The following UNC5D variants were observed in gnomAD, a reference collection of about 807,000 sequenced individuals.
UNC5D encodes unc-5 netrin receptor D, also known as netrin receptor UNC5D.
In UNC5D, 39 loss-of-function variants were observed where a neutral mutation model predicts 105.4. The observed-to-expected ratio is 0.37, with a 90% CI of 0.29 to 0.48. The LOEUF (loss-of-function observed/expected upper bound fraction) is 0.48. Ranked by LOEUF, UNC5D falls within the 20% of genes least tolerant of loss-of-function variation. The pLI is 0.98. For missense variants in UNC5D, 991 were observed against 1,202.4 expected (o/e 0.82, Z 2.60); for synonymous variants, 452 against 450.4 (o/e 1.00, Z -0.04).
chr8:35,713,319 TAG>T (rs1036114877), intron 8 of UNC5D, among the ~76,000 whole-genome samples: 13 of 152,202 alleles, frequency 8.5e-5, no homozygotes, highest in African/African-American at 3.1e-4. Context: ...TAAAAATCTG[TAG>T]AGTTTATATC....
intron 4 of UNC5D, among the ~76,000 whole-genome samples, chr8:35,665,985 A>T (rs376654971): frequency 1.2e-4 from 18 of 149,198 alleles, no homozygotes; most frequent in African/African-American, 4.0e-4. Context: ...AATTTTGATC[A>T]TGGTTTTCCT....
intron 8 of UNC5D, among the ~76,000 whole-genome samples, chr8:35,706,898 A>G (rs963391716): frequency 6.6e-6 from 1 of 152,162 alleles, no homozygotes; most frequent in Non-Finnish European, 1.5e-5. Flanking sequence ...AGTCATTCTC[A>G]TACATCAGAA....
At chr8:35,307,241 C>T (rs1286726637) in intron 1 of UNC5D, among the ~76,000 whole-genome samples, 1 of 152,190 alleles carries the variant, frequency 6.6e-6, no homozygotes, top group Non-Finnish European at 1.5e-5. Flanking sequence ...CCAGCTTGGC[C>T]TATCCCATAA....
intron 1 of UNC5D, among the ~76,000 whole-genome samples, chr8:35,345,298 G>T (rs1025637754): frequency 6.6e-5 from 10 of 151,710 alleles, no homozygotes; most frequent in Admixed American, 2.0e-4. Context: ...CCTTTTGCTT[G>T]CATCGGCAGA....
chr8:35,482,190 C>T (rs1810524885), intron 1 of UNC5D, among the ~76,000 whole-genome samples: 1 of 152,148 alleles, frequency 6.6e-6, no homozygotes. Context: ...ATCATATTTC[C>T]TGTTATTAAT....
chr8:35,275,901 T>A (rs549998491), intron 1 of UNC5D, among the ~76,000 whole-genome samples: 1 of 152,310 alleles, frequency 6.6e-6, no homozygotes. Context: ...GGAAACAAAA[T>A]AGTTTAACAT....
intron 1 of UNC5D, among the ~76,000 whole-genome samples, chr8:35,369,542 C>A (rs1802312094): frequency 6.6e-6 from 1 of 152,170 alleles, no homozygotes. Context: ...GTTTGTGAAT[C>A]TCATGTGCCC....
At chr8:35,365,183 T>C in intron 1 of UNC5D, among the ~76,000 whole-genome samples, 1 of 152,156 alleles carries the variant, frequency 6.6e-6, no homozygotes, top group East Asian at 1.9e-4. Context: ...GATTGCTCAT[T>C]CTTACCATTC....
chr8:35,396,168 C>T (rs926942031), intron 1 of UNC5D, among the ~76,000 whole-genome samples: 3 of 152,158 alleles, frequency 2.0e-5, no homozygotes, highest in South Asian at 2.1e-4. Context: ...CTGAAATCTA[C>T]ATTTAGGAAT....
intron 8 of UNC5D, among the ~76,000 whole-genome samples, chr8:35,711,763 C>T (rs902204814): frequency 3.9e-5 from 6 of 152,144 alleles, no homozygotes; most frequent in Admixed American, 3.3e-4. Flanking sequence ...AAGTTGCCTC[C>T]GTATCAAACT....
At position 35,792,835 on chromosome 8, in the gene UNC5D, G is replaced by T. The variant is rs1458577009; in HGVS notation, c.*2272G>T. On this transcript the variant is annotated 3_prime_UTR_variant, in exon 17 of 17. Transcript: ENST00000404895. ...GAATCTACATAGGTCTTTTTTTTTA[G>T]ATGTTTGATACATTTTAAGTATTTT... The T allele has an allele frequency of 2.1e-5, 7 of 329,086 alleles. No homozygotes were observed. Among genetic ancestry groups the T allele is most frequent in the Non-Finnish European group, 4.1e-5 (7 of 172,086 alleles). The allele number at this position is 329,086 out of a possible 1,614,324, so 20.4% of individuals were successfully genotyped here.
chr8:35,714,418 G>A (rs1215435968), intron 8 of UNC5D, among the ~76,000 whole-genome samples: 1 of 152,222 alleles, frequency 6.6e-6, no homozygotes, highest in Non-Finnish European at 1.5e-5. Context: ...GATGAGGCAG[G>A]AGATGTTAAT....
intron 1 of UNC5D, among the ~76,000 whole-genome samples, chr8:35,282,220 C>G (rs977828167): frequency 6.6e-6 from 1 of 152,184 alleles, no homozygotes; most frequent in Non-Finnish European, 1.5e-5. Flanking sequence ...ACCATAGCAT[C>G]GAAGGAGGAC....
intron 4 of UNC5D, among the ~76,000 whole-genome samples, chr8:35,640,162 C>T (rs767382046): frequency 5.9e-5 from 9 of 151,884 alleles, no homozygotes; most frequent in Non-Finnish European, 7.4e-5. Flanking sequence ...CTGCTAATTG[C>T]GAAACCCCAG....
At chr8:35,541,011 A>G (rs1035598535) in intron 1 of UNC5D, among the ~76,000 whole-genome samples, 5 of 152,188 alleles carry the variant, frequency 3.3e-5, no homozygotes, top group African/African-American at 4.8e-5. Context: ...TGCATCTCTG[A>G]AAGTTCCTAG....
At chr8:35,250,856 C>T (rs1803646688) in intron 1 of UNC5D, among the ~76,000 whole-genome samples, 2 of 152,010 alleles carry the variant, frequency 1.3e-5, no homozygotes, top group Admixed American at 6.6e-5. Context: ...TGTCTCTTGC[C>T]GCCATCTTTA....
Position 35,593,046 on chromosome 8 carries a change from TACACACACACAC to T in UNC5D, c.467-2478_467-2467del, listed in dbSNP as rs200962371. ...TAGGTCCCACTGTCAGTAGTTTTTA[TACACACACACAC>T]ACACACACACACACACACACACACA... On this transcript the variant is annotated intron_variant, in intron 3 of 16. Transcript: ENST00000404895. 1.7e-3 allele frequency among the ~76,000 whole-genome samples: 247 copies of T among 141,226 alleles called. 1 individual carries two copies. The highest frequency in any genetic ancestry group is 5.7e-3 in the East Asian group (27 of 4,754). The allele number at this position is 141,226 out of a possible 152,430, so 92.6% of individuals were successfully genotyped here.
intron 9 of UNC5D, among the ~76,000 whole-genome samples, chr8:35,723,595 AG>A (rs1419919589): frequency 6.6e-6 from 1 of 152,026 alleles, no homozygotes; most frequent in Non-Finnish European, 1.5e-5. Context: ...TTATAGAGAC[AG>A]GGTCTCACTA....
chr8:35,670,956 C>T (rs1447790938), intron 4 of UNC5D, among the ~76,000 whole-genome samples: 8 of 149,444 alleles, frequency 5.4e-5, no homozygotes, highest in African/African-American at 1.7e-4. Flanking sequence ...ACATAGTTAA[C>T]GATGTCTAAC....
Sources: allele counts gnomAD v4.1 joint callset (sites outside exome capture counted in the v4.1 genomes callset), GRCh38; gene constraint gnomAD v4.1.1; transcripts MANE v1.5; gene names NCBI Gene and HGNC (gene_info 2026-07-23, HGNC 2026-07-21).